MACROD2: variants seen among roughly 807,000 people sequenced by gnomAD.
MACROD2 encodes the protein ADP-ribose glycohydrolase MACROD2.
A neutral mutation model predicts 70.4 loss-of-function variants in MACROD2; 36 were observed. The ratio of observed to expected loss-of-function variants is 0.51; its 90% CI spans 0.39 to 0.68. The LOEUF is 0.68. MACROD2 is among the 30% of genes least tolerant of loss of function. The probability of loss-of-function intolerance (pLI) is 0.00; values close to 1 mark genes in which losing one functional copy is unlikely to be tolerated. For missense variants in MACROD2, 496 were observed against 538.4 expected (o/e 0.92, Z 0.78); for synonymous variants, 172 against 178.8 (o/e 0.96, Z 0.30).
intron 8 of MACROD2, among the ~76,000 whole-genome samples, chr20:15,658,870 A>T (rs1298532324): frequency 6.6e-6 from 1 of 152,164 alleles, no homozygotes; most frequent in African/African-American, 2.4e-5. Context: ...ACATCACCAA[A>T]GTGCCTGCAA....
chr20:15,755,742 TA>T (rs2051338821), intron 8 of MACROD2, among the ~76,000 whole-genome samples: 1 of 152,210 alleles, frequency 6.6e-6, no homozygotes, highest in South Asian at 2.1e-4. Context: ...GTGCACTCAA[TA>T]AATGCTGTGG....
At chr20:14,188,985 T>C (rs6105220) in intron 3 of MACROD2, among the ~76,000 whole-genome samples, 1 of 152,198 alleles carries the variant, frequency 6.6e-6, no homozygotes, top group East Asian at 1.9e-4. Context: ...GATTGTTTTG[T>C]GCATTCATCT....
At chr20:14,045,671 AC>A (rs1165919166) in intron 2 of MACROD2, among the ~76,000 whole-genome samples, 1 of 152,226 alleles carries the variant, frequency 6.6e-6, no homozygotes, top group African/African-American at 2.4e-5. Flanking sequence ...AGCAGGAAAG[AC>A]AAATAGCAGA....
chr20:14,768,009 G>A (rs1472881206), intron 5 of MACROD2, among the ~76,000 whole-genome samples: 1 of 152,054 alleles, frequency 6.6e-6, no homozygotes, highest in African/African-American at 2.4e-5. Flanking sequence ...TGGTGTATAT[G>A]TGCCACATTT....
intron 6 of MACROD2, among the ~76,000 whole-genome samples, chr20:15,297,252 A>G (rs1453760687): frequency 6.6e-6 from 1 of 152,154 alleles, no homozygotes; most frequent in African/African-American, 2.4e-5. Flanking sequence ...TCACCCAAAT[A>G]AGTGCTGAGT....
chr20:14,684,417 T>C (rs2123595126), intron 4 of MACROD2, among the ~76,000 whole-genome samples: 1 of 152,290 alleles, frequency 6.6e-6, no homozygotes, highest in South Asian at 2.1e-4. Flanking sequence ...CTGTGGTGTG[T>C]TAGAGGCAAC....
At chr20:14,826,849 G>T (rs1402677587) in intron 5 of MACROD2, among the ~76,000 whole-genome samples, 3 of 152,068 alleles carry the variant, frequency 2.0e-5, no homozygotes, top group African/African-American at 7.2e-5. Flanking sequence ...TAGCAATTCA[G>T]ATTTCGTACA....
At chr20:14,197,779 A>C (rs1301365744) in intron 3 of MACROD2, among the ~76,000 whole-genome samples, 1 of 152,164 alleles carries the variant, frequency 6.6e-6, no homozygotes, top group East Asian at 1.9e-4. Flanking sequence ...AAAAAAAAGA[A>C]ACTGGCATGT....
intron 6 of MACROD2, among the ~76,000 whole-genome samples, chr20:15,318,462 C>T (rs758617584): frequency 5.3e-5 from 8 of 152,090 alleles, no homozygotes; most frequent in Non-Finnish European, 7.4e-5. Context: ...CATGTTCTAA[C>T]TCATTCTATG....
rs73260839 is a variant in MACROD2, at chr20:14,607,706, G to A, written c.302-77137G>A. Among the ~76,000 whole-genome samples the A allele has an allele frequency of 2.8e-3, 430 of 152,158 alleles. 2 individuals are homozygous for A. Among genetic ancestry groups the A allele is most frequent in the African/African-American group, 9.4e-3 (390 of 41,508 alleles). On this transcript the variant is annotated intron_variant, in intron 4 of 17. Transcript: ENST00000684519. ...TTCCTTTGTTATAACGCTACATGACGGTCAGGCTAGAATGATCCTTTGCTG... is the reference window on the plus strand; with the variant it reads ...TTCCTTTGTTATAACGCTACATGACAGTCAGGCTAGAATGATCCTTTGCTG...
chr20:14,680,057 T>C (rs2070913094), intron 4 of MACROD2, among the ~76,000 whole-genome samples: 3 of 152,200 alleles, frequency 2.0e-5, no homozygotes, highest in Admixed American at 1.3e-4. Flanking sequence ...ATATGGTAAG[T>C]GGCTGAGAGG....
chr20:14,899,281 T>C (rs1448208044), intron 5 of MACROD2, among the ~76,000 whole-genome samples: 1 of 152,222 alleles, frequency 6.6e-6, no homozygotes, highest in Non-Finnish European at 1.5e-5. Context: ...CGAAGACTTC[T>C]GCATTAGTTT....
At chr20:15,522,307 T>C (rs1027877324) in intron 8 of MACROD2, among the ~76,000 whole-genome samples, 1 of 152,188 alleles carries the variant, frequency 6.6e-6, no homozygotes, top group Admixed American at 6.5e-5. Context: ...AATGTTTTTC[T>C]ACTGTTTGTC....
chr20:14,443,399 C>A (rs142964442), intron 3 of MACROD2, among the ~76,000 whole-genome samples: 4 of 150,522 alleles, frequency 2.7e-5, no homozygotes, highest in South Asian at 4.2e-4. Context: ...TGGGTTCAAG[C>A]GATTCTCTTG....
chr20:14,355,633 A>G (rs1014474587), intron 3 of MACROD2, among the ~76,000 whole-genome samples: 6 of 152,196 alleles, frequency 3.9e-5, no homozygotes, highest in Admixed American at 1.3e-4. Context: ...ATAAAACTCT[A>G]CATGTCTTAT....
rs151280349 is a variant in MACROD2, at chr20:15,570,952, A to G, written c.645+71105A>G. ...CATATCCACTAAAGCACTAAAGGGG[A>G]AAATAGATAATTACCTCAGTATTTC... On this transcript the variant is annotated intron_variant, in intron 8 of 17. Coordinates refer to ENST00000684519, the MANE Select transcript of MACROD2 (RefSeq NM_001351661.2). Among the ~76,000 whole-genome samples the G allele has an allele frequency of 2.3e-3, 357 of 152,284 alleles. 1 individual carries two copies. The highest frequency in any genetic ancestry group is 8.1e-3 in the African/African-American group (335 of 41,564).
chr20:15,505,481 T>C (rs1335203991), intron 8 of MACROD2, among the ~76,000 whole-genome samples: 2 of 152,034 alleles, frequency 1.3e-5, no homozygotes, highest in Admixed American at 6.6e-5. Flanking sequence ...TCTAGGAGGC[T>C]CTAGGTAAAG....
At chr20:14,836,967 T>G (rs1475840837) in intron 5 of MACROD2, among the ~76,000 whole-genome samples, 1 of 151,912 alleles carries the variant, frequency 6.6e-6, no homozygotes, top group African/African-American at 2.4e-5. Context: ...GCTTATAGAG[T>G]TCATAAAAGT....
intron 8 of MACROD2, among the ~76,000 whole-genome samples, chr20:15,837,980 T>A (rs140046178): frequency 1.2e-3 from 183 of 152,212 alleles, no homozygotes; most frequent in African/African-American, 4.3e-3. Flanking sequence ...GGCACTTGAG[T>A]TTTTGTAGCA....
Sources: allele counts gnomAD v4.1 joint callset (sites outside exome capture counted in the v4.1 genomes callset), GRCh38; gene constraint gnomAD v4.1.1; transcripts MANE v1.5; gene names NCBI Gene and HGNC (gene_info 2026-07-23, HGNC 2026-07-21).